Variants in UCHL5 observed in about 807,000 individuals in gnomAD.
The protein encoded by UCHL5 is ubiquitin carboxyl-terminal hydrolase isozyme L5.
In UCHL5, 34 loss-of-function variants were observed where a neutral mutation model predicts 53.8. The observed-to-expected ratio is 0.63, with a 90% CI of 0.48 to 0.84. UCHL5 has a LOEUF of 0.84. UCHL5 is among the 40% of genes least tolerant of loss of function. The pLI is 0.00. For missense variants in UCHL5, 290 were observed against 385.6 expected, an observed-to-expected ratio of 0.75 and a Z score of 2.08; for synonymous variants, 111 against 126.3, an observed-to-expected ratio of 0.88 and a Z score of 0.81.
Position 193,015,951 on chromosome 1 carries a change from T to G in UCHL5, c.*400A>C, listed in dbSNP as rs1654835322. ...TATCAAAGATAGAAATACTGATTTTTTTTCCGTTAATGATGAGAAGAAATA... is the reference window on the plus strand; with the variant it reads ...TATCAAAGATAGAAATACTGATTTTGTTTCCGTTAATGATGAGAAGAAATA... On this transcript the variant is annotated 3_prime_UTR_variant, in exon 11 of 11. Coordinates refer to ENST00000367454, the MANE Select transcript of UCHL5 (RefSeq NM_001199261.3). 1 of 163,462 alleles carries G rather than the reference T, an allele frequency of 6.1e-6. No homozygotes were observed. The highest frequency in any genetic ancestry group is 1.8e-4 in the East Asian group (1 of 5,678). 10.1% of individuals were successfully genotyped at this position (163,462 alleles called of 1,614,324 possible). A position where few individuals can be genotyped will look rare whatever the true frequency, so the allele number is the denominator to read the frequency against.
intron 7 of UCHL5, among the ~76,000 whole-genome samples, chr1:193,026,236 G>A (rs1046664740): frequency 1.3e-5 from 2 of 151,548 alleles, no homozygotes; most frequent in African/African-American, 4.9e-5. Context: ...TATCTACACC[G>A]AGACAAAGAA....
At chr1:193,059,941 C>T (rs749117624), upstream of UCHL5, 6 of 1,366,406 alleles carry the variant, frequency 4.4e-6, no homozygotes, top group South Asian at 6.8e-5. The surrounding 1 kb of genome is among the most constrained non-coding windows in gnomAD (Gnocchi z 4.9). Context: ...CCTGTCCACC[C>T]TGGGTAACGG....
In UCHL5 at chr1:193,056,918, T is replaced by C. The variant is rs72740213; in HGVS notation, c.76+2267A>G. Among the ~76,000 whole-genome samples the C allele has an allele frequency of 5.5e-3, 833 of 152,354 alleles. 7 individuals are homozygous for C. The highest frequency in any genetic ancestry group is 8.9e-3 in the Non-Finnish European group (603 of 68,028). On this transcript the variant is annotated intron_variant, in intron 1 of 10. Transcript: ENST00000367454. ...TCTGCTAATGAAGCCAATTTATTAA[T>C]AGCTGCTGATTTTTCATATGTGCAT... is the stretch of plus-strand genomic sequence containing the variant.
chr1:193,027,383 T>C (rs1337461784), intron 7 of UCHL5, among the ~76,000 whole-genome samples: 1 of 152,134 alleles, frequency 6.6e-6, no homozygotes, highest in Admixed American at 6.5e-5. Context: ...CTGTCAATTA[T>C]CCAACAGTAC....
chr1:193,050,115 A>G (rs1019455495), intron 2 of UCHL5, among the ~76,000 whole-genome samples: 1 of 152,220 alleles, frequency 6.6e-6, no homozygotes, highest in Non-Finnish European at 1.5e-5. Flanking sequence ...TTTCTACCTG[A>G]TATTACCTCA....
At chr1:193,029,050 GCCTT>G in intron 6 of UCHL5, 125 bp downstream of exon 6, 1 of 1,048,434 alleles carries the variant, frequency 9.5e-7, no homozygotes, top group East Asian at 2.4e-5. Flanking sequence ...AGAGCTTAAG[GCCTT>G]CATTATATTA....
upstream of UCHL5, chr1:193,059,624 G>C (rs1215259348): frequency 7.1e-7 from 1 of 1,411,302 alleles, no homozygotes; most frequent in Non-Finnish European, 9.5e-7. This position sits in a 1 kb window ranked among gnomAD's most constrained non-coding sequence, Gnocchi z 4.9. Flanking sequence ...TCGTTCCCGG[G>C]AACCGAACCT....
At chr1:193,035,092 C>A (rs1662876914) in intron 3 of UCHL5, among the ~76,000 whole-genome samples, 1 of 151,610 alleles carries the variant, frequency 6.6e-6, no homozygotes, top group East Asian at 1.9e-4. Flanking sequence ...ATAAAACTAT[C>A]ATTATTTATA....
At chr1:193,027,774 C>A in intron 7 of UCHL5, 1 of 531,796 alleles carries the variant, frequency 1.9e-6, no homozygotes, top group Non-Finnish European at 3.2e-6. Flanking sequence ...CATACTACTA[C>A]ATGAAATTTA....
intron 7 of UCHL5, among the ~76,000 whole-genome samples, chr1:193,025,463 T>G (rs1193658760): frequency 6.6e-6 from 1 of 152,206 alleles, no homozygotes; most frequent in Non-Finnish European, 1.5e-5. Flanking sequence ...GCCAAAATTG[T>G]CACTGCCATC....
chr1:193,021,938 C>T (rs1571472740), intron 9 of UCHL5, among the ~76,000 whole-genome samples: 1 of 151,996 alleles, frequency 6.6e-6, no homozygotes, highest in South Asian at 2.1e-4. Flanking sequence ...TAAAGCAGGA[C>T]ACCTTATGGA....
intron 10 of UCHL5, among the ~76,000 whole-genome samples, chr1:193,018,199 C>T (rs1655533087): frequency 6.6e-6 from 1 of 151,404 alleles, no homozygotes; most frequent in African/African-American, 2.4e-5. Context: ...AATTGAATCA[C>T]AAAGTCATAG....
At chr1:193,025,419 C>A (rs373478186) in intron 7 of UCHL5, among the ~76,000 whole-genome samples, 34 of 152,310 alleles carry the variant, frequency 2.2e-4, no homozygotes, top group African/African-American at 8.2e-4. Flanking sequence ...AATGACAACA[C>A]CCATTTGTGG....
intron 10 of UCHL5, among the ~76,000 whole-genome samples, chr1:193,017,005 C>T (rs769149471): frequency 7.9e-5 from 12 of 151,778 alleles, no homozygotes; most frequent in Non-Finnish European, 1.6e-4. Context: ...TGTTATCAAG[C>T]TTGACCAAAG....
At chr1:193,031,369 C>T (rs1265612730) in intron 3 of UCHL5, among the ~76,000 whole-genome samples, 2 of 152,140 alleles carry the variant, frequency 1.3e-5, no homozygotes, top group Non-Finnish European at 2.9e-5. Flanking sequence ...AAAAGATTAT[C>T]AAACATTTCT....
intron 3 of UCHL5, among the ~76,000 whole-genome samples, chr1:193,043,203 T>C (rs952134140): frequency 2.1e-5 from 3 of 145,936 alleles, no homozygotes; most frequent in Non-Finnish European, 3.0e-5. Context: ...AACTATTGTT[T>C]TTTTTATGCC....
chr1:193,042,566 A>G (rs2102699758), intron 3 of UCHL5, among the ~76,000 whole-genome samples: 1 of 152,260 alleles, frequency 6.6e-6, no homozygotes, highest in South Asian at 2.1e-4. Context: ...GTAATACTTT[A>G]TCTCTAAATT....
At chr1:193,039,525 A>C (rs543628516) in intron 3 of UCHL5, among the ~76,000 whole-genome samples, 1 of 152,224 alleles carries the variant, frequency 6.6e-6, no homozygotes, top group East Asian at 1.9e-4. Flanking sequence ...TGGATATTCC[A>C]TCCTCATGAA....
At chr1:193,041,774 A>G (rs1422586486) in intron 3 of UCHL5, among the ~76,000 whole-genome samples, 1 of 152,168 alleles carries the variant, frequency 6.6e-6, no homozygotes, top group African/African-American at 2.4e-5. Context: ...TAGCATGCAA[A>G]ATAAATGAAC....
Sources: allele counts gnomAD v4.1 joint callset (sites outside exome capture counted in the v4.1 genomes callset), GRCh38; gene constraint gnomAD v4.1.1; non-coding constraint Gnocchi (gnomAD v3.1); transcripts MANE v1.5; gene names NCBI Gene and HGNC (gene_info 2026-07-23, HGNC 2026-07-21).